CCDC30: variants seen among roughly 807,000 people sequenced by gnomAD.
CCDC30 encodes coiled-coil domain containing 30, also known as coiled-coil domain-containing protein 30.
CCDC30 carries 70 observed loss-of-function variants against 100.2 expected under a neutral mutation model. The observed-to-expected ratio is 0.70, with a 90% CI of 0.58 to 0.85. CCDC30 has a LOEUF of 0.85. CCDC30 is among the 40% of genes least tolerant of loss of function. The pLI, the probability that CCDC30 is intolerant of heterozygous loss-of-function variation, is 0.00. For synonymous variants in CCDC30, 233 were observed against 269.5 expected, an observed-to-expected ratio of 0.86 and a Z score of 1.33; for missense variants, 652 against 771.2, an observed-to-expected ratio of 0.85 and a Z score of 1.83.
At chr1:42,572,541 T>G (rs1438031525) in intron 7 of CCDC30, among the ~76,000 whole-genome samples, 1 of 152,204 alleles carries the variant, frequency 6.6e-6, no homozygotes, top group African/African-American at 2.4e-5. Context: ...TAGTGATTTT[T>G]GGGGTCTGAT....
chr1:42,579,303 AGAAAG>A (rs1645910797), intron 8 of CCDC30, among the ~76,000 whole-genome samples: 1 of 151,034 alleles, frequency 6.6e-6, no homozygotes, highest in African/African-American at 2.4e-5. Context: ...CTTATTTTTA[AGAAAG>A]GAAAGGAGAG....
At chr1:42,577,071 A>C (rs909078897) in exon 8 of CCDC30, 14 of 1,613,930 alleles carry the variant, frequency 8.7e-6, no homozygotes, top group African/African-American at 1.3e-5. Flanking sequence ...CAGCACAAAG[A>C]TGTGCTCTTC....
At chr1:42,576,238 G>A (rs896196593) in intron 7 of CCDC30, among the ~76,000 whole-genome samples, 1 of 152,236 alleles carries the variant, frequency 6.6e-6, no homozygotes. Flanking sequence ...CCAGGCTAGA[G>A]ATGATGCCCC....
chr1:42,532,019 C>A (rs1226829713), intron 6 of CCDC30, among the ~76,000 whole-genome samples: 1 of 151,996 alleles, frequency 6.6e-6, no homozygotes, highest in Non-Finnish European at 1.5e-5. Flanking sequence ...TGGCCGGGTG[C>A]AGTGGCTCAT....
chr1:42,502,733 A>T (rs1386590712), intron 6 of CCDC30, among the ~76,000 whole-genome samples: 1 of 152,162 alleles, frequency 6.6e-6, no homozygotes, highest in Non-Finnish European at 1.5e-5. Context: ...CCACTAAAGT[A>T]CTTTCTGCCT....
At chr1:42,533,363 A>C (rs1163382638) in intron 6 of CCDC30, among the ~76,000 whole-genome samples, 6 of 152,202 alleles carry the variant, frequency 3.9e-5, no homozygotes, top group African/African-American at 7.2e-5. Context: ...AGGGGTATTG[A>C]GAATTAAAGA....
At chr1:42,493,949 C>T (rs1282935057) in intron 4 of CCDC30, among the ~76,000 whole-genome samples, 4 of 152,194 alleles carry the variant, frequency 2.6e-5, no homozygotes, top group Admixed American at 6.5e-5. Context: ...CATCGTGGCT[C>T]ATGCCTGTAA....
intron 10 of CCDC30, among the ~76,000 whole-genome samples, chr1:42,601,842 G>A (rs893831865): frequency 2.0e-4 from 31 of 152,194 alleles, no homozygotes; most frequent in African/African-American, 6.3e-4. Context: ...CAAGGAGACC[G>A]TGACCAGCCC....
At chr1:42,609,704 T>C (rs957072058) in intron 10 of CCDC30, among the ~76,000 whole-genome samples, 4 of 152,162 alleles carry the variant, frequency 2.6e-5, no homozygotes, top group African/African-American at 9.6e-5. Context: ...GTGGTGGTGG[T>C]ATAGAGGTGG....
At position 42,641,947 on chromosome 1, in the gene CCDC30, T is replaced by C. The variant is rs145696924; in HGVS notation, c.1420-526T>C. Among the ~76,000 whole-genome samples the C allele has an allele frequency of 5.8e-3, 889 of 152,242 alleles. 10 individuals are homozygous for C. The highest frequency in any genetic ancestry group is 0.02 in the African/African-American group (837 of 41,550). On this transcript the variant is annotated intron_variant, in intron 12 of 16. Coordinates refer to ENST00000668663, the Ensembl canonical transcript of CCDC30. ...AGAAAAAAAAATACATGACATGGGC[T>C]GGGCATGGTGGCTCACGCCTGTAAT...
At chr1:42,461,612 T>C (rs930370016), upstream of CCDC30, among the ~76,000 whole-genome samples, 1 of 150,104 alleles carries the variant, frequency 6.7e-6, no homozygotes, top group Non-Finnish European at 1.5e-5. Context: ...AGTGGCACAA[T>C]CTCGGCTCAC....
intron 11 of CCDC30, among the ~76,000 whole-genome samples, chr1:42,614,726 G>C (rs1163185853): frequency 6.6e-6 from 1 of 151,434 alleles, no homozygotes; most frequent in African/African-American, 2.4e-5. Flanking sequence ...GGCAGATATT[G>C]CAGTGAGCCA....
chr1:42,471,492 C>A (rs1643769917), intron 1 of CCDC30, among the ~76,000 whole-genome samples: 1 of 152,064 alleles, frequency 6.6e-6, no homozygotes, highest in South Asian at 2.1e-4. Flanking sequence ...TTGCATTGTG[C>A]TTTTTCTCTT....
At chr1:42,568,261 C>A (rs1477134784) in intron 7 of CCDC30, among the ~76,000 whole-genome samples, 1 of 152,072 alleles carries the variant, frequency 6.6e-6, no homozygotes, top group African/African-American at 2.4e-5. Flanking sequence ...ATTATAGGCG[C>A]ATGTCACCAC....
At chr1:42,577,298 A>G (rs1645860369) in intron 8 of CCDC30, 69 bp downstream of exon 12, 2 of 1,008,780 alleles carry the variant, frequency 2.0e-6, no homozygotes, top group Non-Finnish European at 3.0e-6. Flanking sequence ...TTCCCTGAGG[A>G]TTTTAAGAAA....
chr1:42,488,314 CT>C (rs567864740), intron 3 of CCDC30, among the ~76,000 whole-genome samples: 26 of 151,690 alleles, frequency 1.7e-4, no homozygotes, highest in Non-Finnish European at 3.5e-4. Flanking sequence ...CTAAAATTTT[CT>C]TTTTTTTCTT....
chr1:42,564,832 C>G (rs368316661), intron 6 of CCDC30, among the ~76,000 whole-genome samples: 1 of 152,080 alleles, frequency 6.6e-6, no homozygotes, highest in East Asian at 1.9e-4. Flanking sequence ...CATTCCATGC[C>G]TCCCCTCCCC....
chr1:42,500,108 A>C, intron 6 of CCDC30: 1 of 1,142,166 alleles, frequency 8.8e-7, no homozygotes, highest in Non-Finnish European at 1.3e-6. Flanking sequence ...ACTTGATCCA[A>C]CCTCTTTGCA....
At chr1:42,580,003 G>A (rs376922547) in intron 8 of CCDC30, among the ~76,000 whole-genome samples, 3 of 152,136 alleles carry the variant, frequency 2.0e-5, no homozygotes, top group Admixed American at 6.5e-5. Flanking sequence ...CAAAATTCAG[G>A]ATATTGGTTT....
Sources: gnomAD v4.1 joint callset for allele counts (sites outside exome capture counted in the v4.1 genomes callset) on GRCh38, gnomAD v4.1.1 for gene constraint, MANE v1.5 for transcripts, NCBI Gene and HGNC (gene_info 2026-07-23, HGNC 2026-07-21) for gene names.